NOVA1: variants seen among roughly 807,000 people sequenced by gnomAD.
The protein encoded by NOVA1 is NOVA alternative splicing regulator 1, also known as RNA-binding protein Nova-1.
In NOVA1, 7 loss-of-function variants were observed where a neutral mutation model predicts 38.0. That is an observed-to-expected ratio of 0.18 (90% CI 0.10 to 0.35). NOVA1 has a LOEUF of 0.35. Among genes scored for constraint, NOVA1 ranks in the 10% least tolerant of loss-of-function variants. The pLI is 1.00. For synonymous variants in NOVA1, 270 were observed against 232.5 expected, an observed-to-expected ratio of 1.16 and a Z score of -1.47; for missense variants, 460 against 616.0, an observed-to-expected ratio of 0.75 and a Z score of 2.68.
Position 26,595,563 on chromosome 14 carries a change from G to C in NOVA1, c.137-10C>G. 1 of 1,611,028 alleles carries C rather than the reference G, an allele frequency of 6.2e-7. No individual in the cohort carries two copies. The highest frequency in any genetic ancestry group is 1.7e-5 in the Admixed American group (1 of 59,630). The stretch of plus-strand genomic sequence containing the variant: ...AAATACTGGCCGTCTTCTGAAAAAT[G>C]CAAAGAAATATACTCGGTTAACACA... On this transcript the variant is annotated splice_polypyrimidine_tract_variant and intron_variant, in intron 1 of 4. Transcript: ENST00000539517.
At chr14:26,595,677 T>G (rs1204887688) in intron 1 of NOVA1, 124 bp from the exon 2 acceptor site, 3 of 735,884 alleles carry the variant, frequency 4.1e-6, no homozygotes, top group East Asian at 5.6e-5. Context: ...AAATATGAAG[T>G]TAAACATTTT....
At chr14:26,513,654 A>C (rs1814607852) in intron 2 of NOVA1, among the ~76,000 whole-genome samples, 1 of 151,648 alleles carries the variant, frequency 6.6e-6, no homozygotes, top group African/African-American at 2.4e-5. Context: ...AAAATGTTTT[A>C]AAATTCTAAA....
intron 4 of NOVA1, among the ~76,000 whole-genome samples, chr14:26,450,541 T>C (rs546372365): frequency 6.6e-6 from 1 of 152,280 alleles, no homozygotes; most frequent in Non-Finnish European, 1.5e-5. Context: ...GTTTGAGAAA[T>C]AGTCTAAGTT....
intron 2 of NOVA1, among the ~76,000 whole-genome samples, chr14:26,584,416 C>T (rs960888277): frequency 1.3e-5 from 2 of 151,496 alleles, no homozygotes; most frequent in African/African-American, 4.8e-5. Flanking sequence ...TTTTTAATTA[C>T]AGTACCACTG....
chr14:26,490,339 T>C (rs761939334), intron 2 of NOVA1, among the ~76,000 whole-genome samples: 1 of 152,208 alleles, frequency 6.6e-6, no homozygotes, highest in Non-Finnish European at 1.5e-5. Context: ...GCTTCAGTGC[T>C]TGTTCTCAAT....
chr14:26,498,725 T>C (rs564885681), intron 2 of NOVA1, among the ~76,000 whole-genome samples: 2 of 152,314 alleles, frequency 1.3e-5, no homozygotes, highest in East Asian at 3.9e-4. Flanking sequence ...GACTTATTTC[T>C]GAGGGAGACC....
At chr14:26,504,238 T>C (rs1319308966) in intron 2 of NOVA1, among the ~76,000 whole-genome samples, 1 of 152,158 alleles carries the variant, frequency 6.6e-6, no homozygotes. Flanking sequence ...CTATGTAGCG[T>C]ACATCTGGAC....
intron 2 of NOVA1, among the ~76,000 whole-genome samples, chr14:26,518,647 T>C (rs954493952): frequency 6.6e-6 from 1 of 152,106 alleles, no homozygotes; most frequent in Non-Finnish European, 1.5e-5. Context: ...CATTTCTTTG[T>C]AGTGAGAATA....
intron 2 of NOVA1, among the ~76,000 whole-genome samples, chr14:26,541,718 A>G (rs1287000008): frequency 6.6e-6 from 1 of 151,612 alleles, no homozygotes; most frequent in Non-Finnish European, 1.5e-5. Context: ...AATGTATTTT[A>G]CTGATGTTGT....
At chr14:26,497,512 A>G (rs1283897187) in intron 2 of NOVA1, among the ~76,000 whole-genome samples, 1 of 152,230 alleles carries the variant, frequency 6.6e-6, no homozygotes, top group African/African-American at 2.4e-5. Context: ...CTTTCTATTT[A>G]CTAAGGATTA....
Position 26,448,686 on chromosome 14 carries a change from T to C in NOVA1, c.797A>G (p.Asn266Ser). ...GTTTGCATAAGGAGATCCGGTTGGA[T>C]TGGAATTTGCCACTGGACCTGTCAC... is the stretch of plus-strand genomic sequence containing the variant. ...ANVTGPVANS[N>S]PTGSPYANTA... Residue 266 changes from asparagine to serine, a missense_variant, in exon 5 of 5, where the codon AAT (asparagine) becomes AGT (serine). Coordinates refer to ENST00000539517, the MANE Select transcript of NOVA1 (RefSeq NM_002515.3). The surrounding 1 kb of genome is among the most constrained non-coding windows in gnomAD (Gnocchi z 5.3). 6.2e-7 allele frequency: 1 copy of C among 1,614,212 alleles called. No homozygotes were observed. The highest frequency in any genetic ancestry group is 1.1e-5 in the South Asian group (1 of 91,084).
At position 26,570,823 on chromosome 14, in the gene NOVA1, T is replaced by TA. The variant is rs1202243382; in HGVS notation, c.280+24586dup. On this transcript the variant is annotated intron_variant, in intron 2 of 4. Transcript: ENST00000539517. ...TATTACACAGATAATTCACCCCTAATAAAGTATTCCAAACCAACCTTTACT... is the reference window on the plus strand; with the variant it reads ...TATTACACAGATAATTCACCCCTAATAAAAGTATTCCAAACCAACCTTTACT... Among the ~76,000 whole-genome samples the TA allele has an allele frequency of 7.2e-5, 11 of 152,294 alleles. No homozygotes were observed. In the East Asian group the frequency reaches 2.1e-3, roughly 29 times the overall value.
intron 2 of NOVA1, among the ~76,000 whole-genome samples, chr14:26,518,690 A>G (rs963570036): frequency 6.6e-6 from 1 of 152,074 alleles, no homozygotes; most frequent in African/African-American, 2.4e-5. Context: ...ATTTTGAAAT[A>G]TACAATATTG....
At chr14:26,575,607 T>C (rs1892791842) in intron 2 of NOVA1, among the ~76,000 whole-genome samples, 1 of 152,096 alleles carries the variant, frequency 6.6e-6, no homozygotes, top group Non-Finnish European at 1.5e-5. Context: ...TTTTCCTTTT[T>C]CACAACAGTG....
chr14:26,499,744 T>TA (rs1887112405), intron 2 of NOVA1, among the ~76,000 whole-genome samples: 1 of 152,136 alleles, frequency 6.6e-6, no homozygotes, highest in Non-Finnish European at 1.5e-5. Flanking sequence ...ATTGTAGTGT[T>TA]ATATGGCTAT....
chr14:26,480,919 T>C (rs1885406558), intron 2 of NOVA1, among the ~76,000 whole-genome samples: 1 of 152,032 alleles, frequency 6.6e-6, no homozygotes, highest in East Asian at 1.9e-4. Flanking sequence ...GTTAAAGATA[T>C]TATTAATAGT....
chr14:26,552,432 A>C (rs1309173821), intron 2 of NOVA1, among the ~76,000 whole-genome samples: 1 of 152,216 alleles, frequency 6.6e-6, no homozygotes, highest in Non-Finnish European at 1.5e-5. Context: ...GGTGATGATA[A>C]TGGGAATATG....
chr14:26,546,147 T>C (rs1041346830), intron 2 of NOVA1, among the ~76,000 whole-genome samples: 2 of 152,072 alleles, frequency 1.3e-5, no homozygotes, highest in Non-Finnish European at 2.9e-5. Context: ...TCTAAAACAT[T>C]TAAATTCAAA....
rs189756349 is a variant in NOVA1, at chr14:26,519,898, A to G, written c.281-39755T>C. Among the ~76,000 whole-genome samples, 20 of 152,272 alleles carry G rather than the reference A, an allele frequency of 1.3e-4. No individual in the cohort carries two copies. The East Asian group carries it at 3.7e-3, about 28-fold the overall frequency. On this transcript the variant is annotated intron_variant, in intron 2 of 4. Transcript: ENST00000539517. Reference sequence around the variant, plus strand: ...GAAAAAAGTTATGTTAAATAATGCAAGAAATAATGAAGAATGGGGTACATT... The same window carrying G: ...GAAAAAAGTTATGTTAAATAATGCAGGAAATAATGAAGAATGGGGTACATT...
Sources: allele counts gnomAD v4.1 joint callset (sites outside exome capture counted in the v4.1 genomes callset), GRCh38; gene constraint gnomAD v4.1.1; non-coding constraint Gnocchi (gnomAD v3.1); transcripts MANE v1.5; gene names NCBI Gene and HGNC (gene_info 2026-07-23, HGNC 2026-07-21).